QTRT1: variants seen among roughly 807,000 people sequenced by gnomAD.
QTRT1 encodes the protein queuine tRNA-ribosyltransferase catalytic subunit 1, also known as TGT, 43-KD subunit.
QTRT1 carries 41 observed loss-of-function variants against 44.0 expected under a neutral mutation model. The ratio of observed to expected loss-of-function variants is 0.93; its 90% confidence interval spans 0.73 to 1.21. QTRT1 has a LOEUF of 1.21. Ranked by LOEUF, QTRT1 falls within the 50% of genes most tolerant of loss-of-function variation. The pLI is 0.00. For missense variants in QTRT1, 542 were observed against 575.8 expected (o/e 0.94, Z 0.60); for synonymous variants, 226 against 237.1 (o/e 0.95, Z 0.43).
At chr19:10,704,207 G>T (rs1398094679) in intron 3 of QTRT1, among the ~76,000 whole-genome samples, 1 of 152,004 alleles carries the variant, frequency 6.6e-6, no homozygotes, top group Non-Finnish European at 1.5e-5. Flanking sequence ...TGAACTCCTG[G>T]CTACAAACAG....
At position 10,713,188 on chromosome 19, in the gene QTRT1, T is replaced by C; in HGVS notation, c.1130T>C (p.Met377Thr). 3 of 1,609,764 alleles carry C rather than the reference T, an allele frequency of 1.9e-6. No individual in the cohort carries two copies. Among genetic ancestry groups the C allele is most frequent in the Non-Finnish European group, 2.5e-6 (3 of 1,178,160 alleles). The change falls in exon 10 of 10, where the codon ATG becomes ACG. Residue 377 changes from methionine to threonine, a missense_variant. Transcript: ENST00000250237. This position sits in a 1 kb window ranked among gnomAD's most constrained non-coding sequence, Gnocchi z 4.3. Reference sequence around the variant, plus strand: ...TTCCCGGACTTCGTGCGGGACTTCATGGGCGCCATGTACGGGGATCCCACC... The same window carrying C: ...TTCCCGGACTTCGTGCGGGACTTCACGGGCGCCATGTACGGGGATCCCACC... Reference protein sequence around the residue: ...KRFPDFVRDFMGAMYGDPTLC... With the variant: ...KRFPDFVRDFTGAMYGDPTLC...
At chr19:10,704,038 G>T (rs988442883) in intron 3 of QTRT1, among the ~76,000 whole-genome samples, 3 of 151,150 alleles carry the variant, frequency 2.0e-5, no homozygotes, top group African/African-American at 7.3e-5. Context: ...GTAGAGACAG[G>T]GTTTCGCCAT....
chr19:10,703,280 T>G (rs1188180222), intron 3 of QTRT1, among the ~76,000 whole-genome samples: 1 of 151,566 alleles, frequency 6.6e-6, no homozygotes, highest in African/African-American at 2.4e-5. Context: ...AAGGCTGGTC[T>G]CAAACTCCGG....
chr19:10,710,283 G>C (rs1448841201), intron 5 of QTRT1, among the ~76,000 whole-genome samples: 2 of 152,100 alleles, frequency 1.3e-5, no homozygotes, highest in Admixed American at 1.3e-4. Flanking sequence ...TTTTATCCCA[G>C]TTGTTACAAG....
In QTRT1 at chr19:10,712,838, C is replaced by A; in HGVS notation, c.942C>A (p.Asp314Glu). Reference sequence around the variant, plus strand: ...TTGAGAAGGACTTCGGCCCCATAGACCCGGAGTGCACCTGCCCCACGTGCC... The same window carrying A: ...TTGAGAAGGACTTCGGCCCCATAGAACCGGAGTGCACCTGCCCCACGTGCC... ...KVFEKDFGPI[D>E]PECTCPTCQK... The change falls in exon 8 of 10, where the codon GAC becomes GAA. Residue 314 changes from aspartate (D) to glutamate (E), a missense_variant. Transcript: ENST00000250237. This position sits in a 1 kb window ranked among gnomAD's most constrained non-coding sequence, Gnocchi z 5.6. The A allele has an allele frequency of 6.2e-7, 1 of 1,613,966 alleles. No individual in the cohort carries two copies. Among genetic ancestry groups the A allele is most frequent in the Non-Finnish European group, 8.5e-7 (1 of 1,179,982 alleles).
In QTRT1 at chr19:10,702,158, G is replaced by T. The variant is rs1389122884; in HGVS notation, c.355G>T (p.Glu119Ter). The T allele has an allele frequency of 6.2e-7, 1 of 1,614,002 alleles. No homozygotes were observed. The highest frequency in any genetic ancestry group is 8.5e-7 in the Non-Finnish European group (1 of 1,180,034). Residue 119 changes from glutamate (E) to a stop codon, truncating the protein, a stop_gained, in exon 3 of 10, where the codon GAG (glutamate) becomes TAG (stop). Coordinates refer to ENST00000250237, the MANE Select transcript of QTRT1 (RefSeq NM_031209.3). LOFTEE classifies it high-confidence loss of function. The part of the protein sequence containing the change: ...FQMVSLVSLS[E>*]VTEEGVRFRS... ...GATGGTGTCGCTGGTGTCTCTGTCC[G>T]AGGTGACGGAGGAGGGCGTCCGCTT...
At chr19:10,708,692 T>C (rs952842028) in intron 5 of QTRT1, among the ~76,000 whole-genome samples, 26 of 151,346 alleles carry the variant, frequency 1.7e-4, no homozygotes, top group Admixed American at 1.6e-3. Context: ...AAACACCCTG[T>C]GTCCAGTTGG....
At chr19:10,706,659 C>T (rs1396227693) in intron 3 of QTRT1, 1 of 150,834 alleles carries the variant, frequency 6.6e-6, no homozygotes, top group Non-Finnish European at 1.5e-5. Context: ...AAGCGTGAGC[C>T]ATCGCGCCTG....
intron 3 of QTRT1, 44 bp downstream of exon 3, chr19:10,702,298 G>A: frequency 4.4e-6 from 7 of 1,585,022 alleles, no homozygotes; most frequent in Non-Finnish European, 6.0e-6. Flanking sequence ...TGTCTGTCAG[G>A]GGGTGAAGTT....
Position 10,702,231 on chromosome 19 carries a change from C to G in QTRT1, c.428C>G (p.Ser143Cys), listed in dbSNP as rs758181742. 1.2e-6 allele frequency: 2 copies of G among 1,614,142 alleles called. No individual in the cohort carries two copies. Among genetic ancestry groups the G allele is most frequent in the South Asian group, 2.2e-5 (2 of 91,082 alleles). The change falls in exon 3 of 10, where the codon TCC becomes TGC. Residue 143 changes from serine to cysteine, a missense_variant. Physicochemically the swap from Ser to Cys is moderately radical, Grantham distance 112 (BLOSUM62 -1). Transcript: ENST00000250237. ...GNETLLSPEK[S>C]VQIQNALGSD... ...GAGACCCTGCTGAGCCCGGAGAAAT[C>G]CGTGCAGATCCAGAATGCGCTGGGT...
intron 3 of QTRT1, among the ~76,000 whole-genome samples, chr19:10,702,959 G>C (rs1008378141): frequency 6.6e-6 from 1 of 150,902 alleles, no homozygotes; most frequent in Non-Finnish European, 1.5e-5. Context: ...AGTAGAGACA[G>C]GGTTTCTCCA....
chr19:10,711,964 G>A (rs1378150466), intron 5 of QTRT1, 197 bp from the exon 6 acceptor site: 3 of 660,956 alleles, frequency 4.5e-6, no homozygotes, highest in Admixed American at 2.6e-5. Context: ...CCCCTAGACA[G>A]ACAGACAAAC....
chr19:10,705,202 A>G (rs1374052242), intron 3 of QTRT1, among the ~76,000 whole-genome samples: 1 of 149,530 alleles, frequency 6.7e-6, no homozygotes, highest in Admixed American at 6.7e-5. Context: ...GGCGTGAGCC[A>G]CCGCACCCAG....
chr19:10,707,752 G>C, intron 5 of QTRT1, 137 bp downstream of exon 5: 1 of 575,770 alleles, frequency 1.7e-6, no homozygotes, highest in Non-Finnish European at 3.0e-6. Context: ...AAGGCTCTCG[G>C]GCCACGTGCA....
chr19:10,702,277 C>T (rs2068693865), intron 3 of QTRT1, 23 bp downstream of exon 3: 1 of 1,607,588 alleles, frequency 6.2e-7, no homozygotes, highest in African/African-American at 1.3e-5. Flanking sequence ...TGGGGAGCCG[C>T]CTCCTTACCC....
intron 3 of QTRT1, 59 bp downstream of exon 3, chr19:10,702,313 C>CGGG: frequency 6.4e-7 from 1 of 1,572,766 alleles, no homozygotes; most frequent in South Asian, 1.1e-5. Flanking sequence ...GAAGTTTACA[C>CGGG]GGGGCCTGTT....
At position 10,712,337 on chromosome 19, in the gene QTRT1, G is replaced by T. The variant is rs752054266; in HGVS notation, c.785+38G>T. 6.3e-7 allele frequency: 1 copy of T among 1,581,564 alleles called. No individual in the cohort carries two copies. The highest frequency in any genetic ancestry group is 8.6e-7 in the Non-Finnish European group (1 of 1,163,184). On this transcript the variant is annotated intron_variant, in intron 6 of 9. Transcript: ENST00000250237. The surrounding 1 kb of genome is among the most constrained non-coding windows in gnomAD (Gnocchi z 5.6). ...TAGGGAAGCCAGAGCCCTACCTGTG[G>T]GAAGTGGATTCCTGGGGACCCCCTA... is the stretch of plus-strand genomic sequence containing the variant.
At chr19:10,710,794 G>A (rs887508682) in intron 5 of QTRT1, among the ~76,000 whole-genome samples, 2 of 151,718 alleles carry the variant, frequency 1.3e-5, no homozygotes, top group African/African-American at 4.8e-5. Context: ...ATGGTGGTGG[G>A]CGACTGTAGT....
At chr19:10,705,562 A>G (rs934304994) in intron 3 of QTRT1, among the ~76,000 whole-genome samples, 2 of 146,840 alleles carry the variant, frequency 1.4e-5, no homozygotes, top group African/African-American at 5.1e-5. Context: ...TTGAGACACA[A>G]TCTCGCTCTG....
Sources: allele counts gnomAD v4.1 joint callset (sites outside exome capture counted in the v4.1 genomes callset), GRCh38; gene constraint gnomAD v4.1.1; non-coding constraint Gnocchi (gnomAD v3.1); transcripts MANE v1.5; gene names NCBI Gene and HGNC (gene_info 2026-07-23, HGNC 2026-07-21).